The following OR3A2 variants were observed in gnomAD, a reference collection of about 807,000 sequenced individuals.
OR3A2 encodes olfactory receptor family 3 subfamily A member 2, also known as olfactory receptor 3A2.
For missense variants in OR3A2, 318 were observed against 392.8 expected (o/e 0.81, Z 1.61); for synonymous variants, 126 against 159.3 (o/e 0.79, Z 1.57).
intron 2 of OR3A2, among the ~76,000 whole-genome samples, chr17:3,372,596 C>G (rs952278609): frequency 8.5e-5 from 13 of 152,100 alleles, no homozygotes; most frequent in Admixed American, 5.2e-4. Flanking sequence ...CCGAGGCTGG[C>G]GGATCACTCG....
At chr17:3,319,554 A>T (rs986153434) in intron 3 of OR3A2, among the ~76,000 whole-genome samples, 4 of 151,896 alleles carry the variant, frequency 2.6e-5, no homozygotes, top group Non-Finnish European at 5.9e-5. Flanking sequence ...AGTCCCCAGT[A>T]TGTGATGTTC....
chr17:3,300,692 C>T (rs947076673), intron 3 of OR3A2, among the ~76,000 whole-genome samples: 2 of 150,452 alleles, frequency 1.3e-5, no homozygotes, highest in African/African-American at 2.4e-5. Flanking sequence ...AAATTTTTTT[C>T]TTTTTTTTTT....
intron 2 of OR3A2, among the ~76,000 whole-genome samples, chr17:3,346,314 C>G (rs1425160813): frequency 6.6e-6 from 1 of 152,082 alleles, no homozygotes; most frequent in East Asian, 1.9e-4. Flanking sequence ...TTGATATAGG[C>G]AGGCAATGTG....
At chr17:3,314,687 T>C (rs182576116) in intron 3 of OR3A2, among the ~76,000 whole-genome samples, 42 of 152,322 alleles carry the variant, frequency 2.8e-4, no homozygotes, top group Admixed American at 2.5e-3. Context: ...ATTAAATACA[T>C]ATATTTTTTA....
chr17:3,353,354 T>C (rs2049436550), intron 2 of OR3A2, among the ~76,000 whole-genome samples: 1 of 151,894 alleles, frequency 6.6e-6, no homozygotes, highest in African/African-American at 2.4e-5. Flanking sequence ...TTTATATGTT[T>C]CTCTTGTCTA....
At chr17:3,347,637 T>G (rs1315975338) in intron 2 of OR3A2, among the ~76,000 whole-genome samples, 2 of 152,230 alleles carry the variant, frequency 1.3e-5, no homozygotes, top group Non-Finnish European at 2.9e-5. Context: ...CTTAATCCAG[T>G]CTATCATTGT....
rs1025339188 is a variant in OR3A2, at chr17:3,329,445, T to A, written c.-85+6588A>T. ...TCTTCCTGGTTTAGTCTTGGGAGAG[T>A]GTATGTGTCGAGGAATTTATCCATT... On this transcript the variant is annotated intron_variant, in intron 3 of 4. Coordinates refer to the OR3A2 transcript ENST00000573491. Among the ~76,000 whole-genome samples the A allele has an allele frequency of 1.7e-3, 258 of 147,694 alleles. 1 individual carries two copies. The highest frequency in any genetic ancestry group is 5.8e-3 in the African/African-American group (233 of 39,892).
At chr17:3,293,153 T>TAA (rs35282171) in intron 3 of OR3A2, among the ~76,000 whole-genome samples, 27,640 of 140,744 alleles carry the variant, frequency 0.2, 3,461 homozygotes, top group Admixed American at 0.38. Context: ...ATAATTCTCT[T>TAA]AAAAAAAAAA....
At chr17:3,283,049 C>T (rs1431180772) in intron 1 of OR3A2, among the ~76,000 whole-genome samples, 1 of 152,142 alleles carries the variant, frequency 6.6e-6, no homozygotes, top group African/African-American at 2.4e-5. Flanking sequence ...TCTCTCTCCT[C>T]ACCCCCTAAA....
chr17:3,322,239 T>C (rs570113457), intron 3 of OR3A2, among the ~76,000 whole-genome samples: 2 of 152,284 alleles, frequency 1.3e-5, no homozygotes, highest in East Asian at 3.9e-4. Flanking sequence ...TTCATTTTTA[T>C]TCATCTATCT....
At chr17:3,298,172 C>G (rs2048935165) in intron 3 of OR3A2, 1 of 151,972 alleles carries the variant, frequency 6.6e-6, no homozygotes, top group Admixed American at 6.6e-5. Context: ...GAGTACACCC[C>G]ACAGAGATGC....
chr17:3,373,800 A>T (rs1337928227), intron 2 of OR3A2, among the ~76,000 whole-genome samples: 4 of 152,188 alleles, frequency 2.6e-5, no homozygotes, highest in African/African-American at 9.6e-5. Flanking sequence ...ATTCAATGTT[A>T]ATACTGAGAT....
chr17:3,325,952 C>G (rs1200105531), intron 3 of OR3A2, among the ~76,000 whole-genome samples: 1 of 152,054 alleles, frequency 6.6e-6, no homozygotes, highest in Non-Finnish European at 1.5e-5. Context: ...CCCCTACTCC[C>G]CCTGAAGGTT....
At chr17:3,376,636 T>C (rs528234079) in intron 2 of OR3A2, among the ~76,000 whole-genome samples, 2 of 152,332 alleles carry the variant, frequency 1.3e-5, no homozygotes, top group African/African-American at 2.4e-5. Flanking sequence ...ACTCCCATCA[T>C]GACCCACCAA....
intron 2 of OR3A2, among the ~76,000 whole-genome samples, chr17:3,337,795 T>C (rs2150645684): frequency 6.6e-6 from 1 of 152,300 alleles, no homozygotes; most frequent in Non-Finnish European, 1.5e-5. Context: ...TACCCAGTAA[T>C]GGGATGGCTG....
chr17:3,367,013 G>C (rs189235859), intron 2 of OR3A2, among the ~76,000 whole-genome samples: 1 of 152,278 alleles, frequency 6.6e-6, no homozygotes, highest in Admixed American at 6.5e-5. Context: ...TCTGCAACTG[G>C]TCCTGAACAT....
intron 3 of OR3A2, among the ~76,000 whole-genome samples, chr17:3,317,093 G>C (rs192973890): frequency 9.8e-4 from 149 of 152,306 alleles, no homozygotes; most frequent in African/African-American, 3.2e-3. Context: ...TTGAGTACCG[G>C]TGCATAAACC....
At chr17:3,299,572 G>A (rs965767007) in intron 3 of OR3A2, among the ~76,000 whole-genome samples, 2 of 152,174 alleles carry the variant, frequency 1.3e-5, no homozygotes, top group African/African-American at 4.8e-5. Context: ...CGGCGAATGT[G>A]GAGAGGTTGC....
At chr17:3,318,585 G>C (rs1395337495) in intron 3 of OR3A2, among the ~76,000 whole-genome samples, 4 of 152,272 alleles carry the variant, frequency 2.6e-5, no homozygotes, top group South Asian at 2.1e-4. Flanking sequence ...ACCCAGCACA[G>C]CCTGCTTACT....
Sources: allele counts gnomAD v4.1 joint callset (sites outside exome capture counted in the v4.1 genomes callset), GRCh38; gene constraint gnomAD v4.1.1; transcripts MANE v1.5; gene names NCBI Gene and HGNC (gene_info 2026-07-23, HGNC 2026-07-21).